GPC5: variants seen among roughly 807,000 people sequenced by gnomAD.
GPC5 encodes glypican-5.
A neutral mutation model predicts 53.9 loss-of-function variants in GPC5; 47 were observed. That is an observed-to-expected ratio of 0.87 (90% CI 0.69 to 1.11). The LOEUF is 1.11. Among genes scored for constraint, GPC5 ranks in the 50% most tolerant of loss-of-function variants. GPC5 has a pLI of 0.00. For synonymous variants in GPC5, 286 were observed against 263.3 expected, an observed-to-expected ratio of 1.09 and a Z score of -0.84; for missense variants, 748 against 713.1, an observed-to-expected ratio of 1.05 and a Z score of -0.56.
intron 7 of GPC5, among the ~76,000 whole-genome samples, chr13:92,314,755 G>A (rs2043167296): frequency 6.6e-6 from 1 of 152,132 alleles, no homozygotes; most frequent in Non-Finnish European, 1.5e-5. Flanking sequence ...GTGTCCAGAA[G>A]AGTGCTCTAT....
At chr13:92,587,882 T>A (rs143336425) in intron 7 of GPC5, among the ~76,000 whole-genome samples, 99 of 151,888 alleles carry the variant, frequency 6.5e-4, no homozygotes, top group African/African-American at 2.3e-3. Flanking sequence ...ATAGATCAGG[T>A]TTTTTGGGGT....
intron 7 of GPC5, among the ~76,000 whole-genome samples, chr13:92,217,911 CTTTTTTTTTTTTTTTTT>C (rs61595116): frequency 2.3e-5 from 2 of 85,214 alleles, no homozygotes; most frequent in African/African-American, 1.0e-4. Flanking sequence ...ATTATTTCTA[CTTTTTTTTTTTTTTTTT>C]TTTTTTTTAG....
intron 6 of GPC5, among the ~76,000 whole-genome samples, chr13:91,951,077 G>C (rs1009080325): frequency 2.0e-5 from 3 of 152,134 alleles, no homozygotes; most frequent in Non-Finnish European, 2.9e-5. Context: ...GCTAGTTTAA[G>C]AGCTCCTTGA....
At chr13:92,657,780 A>C (rs1886190396) in intron 7 of GPC5, among the ~76,000 whole-genome samples, 1 of 151,620 alleles carries the variant, frequency 6.6e-6, no homozygotes, top group African/African-American at 2.4e-5. Flanking sequence ...TGGATTCTTC[A>C]CTCTGCAATT....
At chr13:92,769,635 A>T (rs1444796871) in intron 7 of GPC5, among the ~76,000 whole-genome samples, 1 of 152,216 alleles carries the variant, frequency 6.6e-6, no homozygotes, top group Non-Finnish European at 1.5e-5. Context: ...CCATGCAATG[A>T]ATGATAAACA....
intron 7 of GPC5, among the ~76,000 whole-genome samples, chr13:92,372,744 A>G (rs1425055768): frequency 6.6e-6 from 1 of 152,178 alleles, no homozygotes; most frequent in African/African-American, 2.4e-5. Flanking sequence ...CAGAGAAACT[A>G]AAAAGCAGAA....
At chr13:92,838,344 C>T (rs1174015165) in intron 7 of GPC5, among the ~76,000 whole-genome samples, 1 of 151,614 alleles carries the variant, frequency 6.6e-6, no homozygotes, top group Non-Finnish European at 1.5e-5. Context: ...ATTAGCTGGG[C>T]GTGGTGGTGG....
At chr13:92,535,546 A>G (rs1464887633) in intron 7 of GPC5, among the ~76,000 whole-genome samples, 2 of 151,960 alleles carry the variant, frequency 1.3e-5, no homozygotes, top group Admixed American at 1.3e-4. Context: ...GGAGGCAGTG[A>G]TTTGGTGGGT....
In GPC5 at chr13:92,722,050, T is replaced by A. The variant is rs72641066; in HGVS notation, c.1562-144232T>A. ...TTCATATCAAGGGAACTTTTGCCTA[T>A]ATATCTCAGTATAAAATAGACTTTA... is the stretch of plus-strand genomic sequence containing the variant. On this transcript the variant is annotated intron_variant, in intron 7 of 7. Coordinates refer to ENST00000377067, the MANE Select transcript of GPC5 (RefSeq NM_004466.6). Among the ~76,000 whole-genome samples the A allele has an allele frequency of 1.8e-3, 277 of 152,136 alleles. 1 individual carries two copies. Among genetic ancestry groups the A allele is most frequent in the Non-Finnish European group, 2.9e-3 (197 of 67,936 alleles).
intron 2 of GPC5, among the ~76,000 whole-genome samples, chr13:91,581,081 G>C (rs2032343196): frequency 6.6e-6 from 1 of 152,128 alleles, no homozygotes; most frequent in Non-Finnish European, 1.5e-5. Context: ...CAGTATGGGG[G>C]AAACTGCCTC....
At chr13:92,335,817 T>C (rs1287880363) in intron 7 of GPC5, among the ~76,000 whole-genome samples, 1 of 152,160 alleles carries the variant, frequency 6.6e-6, no homozygotes, top group Non-Finnish European at 1.5e-5. Flanking sequence ...AGCCTGGACT[T>C]TTTTGTCCAT....
At chr13:91,682,183 A>G (rs1003517448) in intron 2 of GPC5, among the ~76,000 whole-genome samples, 2 of 152,184 alleles carry the variant, frequency 1.3e-5, no homozygotes, top group Admixed American at 6.5e-5. Context: ...TTAATAATAC[A>G]ATGTGTGCTA....
At chr13:92,232,915 T>C (rs983193589) in intron 7 of GPC5, among the ~76,000 whole-genome samples, 2 of 152,220 alleles carry the variant, frequency 1.3e-5, no homozygotes, top group East Asian at 3.8e-4. Context: ...TTCAAGAGAA[T>C]CTTCAACTTG....
At chr13:92,273,428 T>C (rs2139158139) in intron 7 of GPC5, among the ~76,000 whole-genome samples, 1 of 152,248 alleles carries the variant, frequency 6.6e-6, no homozygotes, top group South Asian at 2.1e-4. Context: ...GGGATAATAA[T>C]AATATCTTTT....
intron 7 of GPC5, among the ~76,000 whole-genome samples, chr13:92,408,208 T>G (rs1399812849): frequency 6.6e-6 from 1 of 152,212 alleles, no homozygotes; most frequent in African/African-American, 2.4e-5. Flanking sequence ...AATAATCTAA[T>G]GCCTGATGAT....
chr13:92,040,347 T>C (rs369337177), intron 6 of GPC5, among the ~76,000 whole-genome samples: 1 of 152,066 alleles, frequency 6.6e-6, no homozygotes, highest in African/African-American at 2.4e-5. Flanking sequence ...TGTGTGTGAG[T>C]GTGCGCCGCA....
intron 5 of GPC5, among the ~76,000 whole-genome samples, chr13:91,883,818 G>A (rs1005354482): frequency 4.6e-5 from 7 of 151,908 alleles, no homozygotes; most frequent in African/African-American, 9.7e-5. Flanking sequence ...TCAGTGGTAC[G>A]TGTGCAGGTT....
At chr13:92,548,439 ATATAT>A (rs1362231438) in intron 7 of GPC5, among the ~76,000 whole-genome samples, 6 of 151,416 alleles carry the variant, frequency 4.0e-5, no homozygotes, top group Non-Finnish European at 7.4e-5. Context: ...AATATATAAA[ATATAT>A]TTAAGTTATC....
At chr13:91,927,029 A>G (rs1392241590) in intron 6 of GPC5, among the ~76,000 whole-genome samples, 2 of 152,234 alleles carry the variant, frequency 1.3e-5, no homozygotes, top group Non-Finnish European at 1.5e-5. Context: ...ATTTCTCAAT[A>G]TTTTAATGCT....
Sources: allele counts gnomAD v4.1 joint callset (sites outside exome capture counted in the v4.1 genomes callset), GRCh38; gene constraint gnomAD v4.1.1; transcripts MANE v1.5; gene names NCBI Gene and HGNC (gene_info 2026-07-23, HGNC 2026-07-21).